PTPRM: variants seen among roughly 807,000 people sequenced by gnomAD.
PTPRM encodes receptor-type tyrosine-protein phosphatase mu.
Under a neutral mutation model 186.7 loss-of-function variants are expected in PTPRM, and 47 were observed. That is an observed-to-expected ratio of 0.25 (90% confidence interval 0.20 to 0.32). The LOEUF (loss-of-function observed/expected upper bound fraction) is 0.32, where lower values mean the gene tolerates loss of function less well. PTPRM is among the 10% of genes least tolerant of loss of function. PTPRM has a pLI of 1.00. For synonymous variants in PTPRM, 668 were observed against 674.9 expected, an observed-to-expected ratio of 0.99 and a Z score of 0.16; for missense variants, 1,494 against 1,865.0, an observed-to-expected ratio of 0.80 and a Z score of 3.66.
intron 14 of PTPRM, among the ~76,000 whole-genome samples, chr18:8,189,548 G>T (rs1222912507): frequency 6.6e-6 from 1 of 152,192 alleles, no homozygotes; most frequent in East Asian, 1.9e-4. Flanking sequence ...TAAAGCCATA[G>T]AAAGTTTTTG....
At chr18:7,712,564 T>C (rs2040235674) in intron 1 of PTPRM, among the ~76,000 whole-genome samples, 1 of 151,548 alleles carries the variant, frequency 6.6e-6, no homozygotes, top group African/African-American at 2.4e-5. Flanking sequence ...GTAATAACAA[T>C]CTCCTGCGAA....
intron 1 of PTPRM, among the ~76,000 whole-genome samples, chr18:7,651,540 G>T (rs953314373): frequency 6.6e-6 from 1 of 151,984 alleles, no homozygotes; most frequent in Non-Finnish European, 1.5e-5. Context: ...CATGGTACTG[G>T]TACCAAAACA....
chr18:8,339,232 C>T (rs1226455773), intron 22 of PTPRM, among the ~76,000 whole-genome samples: 2 of 150,464 alleles, frequency 1.3e-5, no homozygotes, highest in African/African-American at 2.4e-5. Flanking sequence ...TTGGTGGTGG[C>T]AGGAATGGCC....
intron 1 of PTPRM, among the ~76,000 whole-genome samples, chr18:7,670,790 A>G (rs2039201618): frequency 6.6e-6 from 1 of 152,192 alleles, no homozygotes; most frequent in Non-Finnish European, 1.5e-5. Context: ...GCTACCAAAC[A>G]CCTCAAATGA....
chr18:7,931,650 G>A (rs1312264571), intron 5 of PTPRM, among the ~76,000 whole-genome samples: 1 of 152,170 alleles, frequency 6.6e-6, no homozygotes. Flanking sequence ...GCAGTGAGCC[G>A]AGGTCGTGCC....
chr18:7,934,047 G>T (rs1162163597), intron 5 of PTPRM, among the ~76,000 whole-genome samples: 2 of 152,056 alleles, frequency 1.3e-5, no homozygotes, highest in African/African-American at 4.8e-5. Context: ...TCTTGCCGTG[G>T]CATCCACATT....
At position 7,942,509 on chromosome 18, in the gene PTPRM, A is replaced by G. The variant is rs576960060; in HGVS notation, c.664-6672A>G. On this transcript the variant is annotated intron_variant, in intron 5 of 32. Coordinates refer to ENST00000580170, the MANE Select transcript of PTPRM (RefSeq NM_001105244.2). ...TGTGACATTCCTGCCCTCCAGATAC[A>G]GGGCAGGATACCTGCCACATGAAGG... Among the ~76,000 whole-genome samples the G allele has an allele frequency of 2.6e-5, 4 of 152,138 alleles. No individual in the cohort carries two copies. The South Asian group carries it at 8.3e-4, about 32-fold the overall frequency.
At chr18:7,592,034 A>G (rs2037139584) in intron 1 of PTPRM, among the ~76,000 whole-genome samples, 1 of 152,232 alleles carries the variant, frequency 6.6e-6, no homozygotes, top group African/African-American at 2.4e-5. Flanking sequence ...CACAACAGTA[A>G]TGGAACTCCC....
intron 1 of PTPRM, among the ~76,000 whole-genome samples, chr18:7,718,224 A>G (rs1331214112): frequency 6.6e-6 from 1 of 152,194 alleles, no homozygotes; most frequent in Non-Finnish European, 1.5e-5. Context: ...AGACACATAG[A>G]ACAATGAAAC....
At chr18:7,847,293 C>T (rs7240568) in intron 2 of PTPRM, among the ~76,000 whole-genome samples, 96,622 of 151,006 alleles carry the variant, frequency 0.64, 31,312 homozygotes, top group East Asian at 0.96. Context: ...CAGCCTCCTG[C>T]GTAGCCGTGA....
intron 1 of PTPRM, among the ~76,000 whole-genome samples, chr18:7,738,529 G>A (rs903530680): frequency 1.3e-5 from 2 of 151,816 alleles, no homozygotes; most frequent in Admixed American, 6.6e-5. Context: ...TCCGCCTCCC[G>A]GGTTCATGCC....
intron 7 of PTPRM, among the ~76,000 whole-genome samples, chr18:7,989,000 A>G (rs1238336183): frequency 1.3e-5 from 2 of 152,178 alleles, no homozygotes; most frequent in Non-Finnish European, 2.9e-5. Context: ...GCAAATAACT[A>G]TTGCTAAGGT....
intron 2 of PTPRM, among the ~76,000 whole-genome samples, chr18:7,859,220 A>G (rs2047230790): frequency 6.6e-6 from 1 of 152,188 alleles, no homozygotes; most frequent in Non-Finnish European, 1.5e-5. Flanking sequence ...TATGATAAAT[A>G]TGTATTATGT....
intron 9 of PTPRM, among the ~76,000 whole-genome samples, chr18:8,083,641 A>G (rs142924043): frequency 6.6e-6 from 1 of 152,244 alleles, no homozygotes; most frequent in Non-Finnish European, 1.5e-5. Context: ...CACCCTGTCC[A>G]GATTCTCAGT....
At chr18:8,299,596 C>CAAAAAAAAAAA (rs60540859) in intron 20 of PTPRM, among the ~76,000 whole-genome samples, 1 of 142,590 alleles carries the variant, frequency 7.0e-6, no homozygotes, top group Non-Finnish European at 1.5e-5. Context: ...CTCAAAAAAA[C>CAAAAAAAAAAA]AAAAAAAAAG....
intron 2 of PTPRM, among the ~76,000 whole-genome samples, chr18:7,860,043 T>C (rs565212835): frequency 3.4e-4 from 52 of 152,214 alleles, no homozygotes; most frequent in South Asian, 1.2e-3. Context: ...ATTGTGAGTA[T>C]TTCTGCCAGT....
At chr18:8,370,635 G>T (rs1017413469) in intron 23 of PTPRM, among the ~76,000 whole-genome samples, 2 of 152,176 alleles carry the variant, frequency 1.3e-5, no homozygotes, top group Admixed American at 1.3e-4. Flanking sequence ...CAGTAACTGG[G>T]ATGTTTGTGG....
At chr18:8,325,106 T>A (rs574583554) in intron 22 of PTPRM, among the ~76,000 whole-genome samples, 14 of 152,320 alleles carry the variant, frequency 9.2e-5, no homozygotes, top group Admixed American at 8.5e-4. Context: ...TTACTTAACA[T>A]CTCTGTGCTC....
intron 2 of PTPRM, among the ~76,000 whole-genome samples, chr18:7,799,622 T>C (rs1334000108): frequency 6.6e-6 from 1 of 152,220 alleles, no homozygotes; most frequent in Non-Finnish European, 1.5e-5. Flanking sequence ...ATATATAATC[T>C]ACTTACCTGA....
Sources: gnomAD v4.1 joint callset for allele counts (sites outside exome capture counted in the v4.1 genomes callset) on GRCh38, gnomAD v4.1.1 for gene constraint, MANE v1.5 for transcripts, NCBI Gene and HGNC (gene_info 2026-07-23, HGNC 2026-07-21) for gene names.